GLDN: variants seen among roughly 807,000 people sequenced by gnomAD.
The protein encoded by GLDN is collomin.
Under a neutral mutation model 56.5 loss-of-function variants are expected in GLDN, and 47 were observed. The ratio of observed to expected loss-of-function variants is 0.83; its 90% CI spans 0.66 to 1.06. The LOEUF (loss-of-function observed/expected upper bound fraction) is 1.06, where lower values mean the gene tolerates loss of function less well. Among genes scored for constraint, GLDN ranks in the 50% least tolerant of loss-of-function variants. The probability of loss-of-function intolerance (pLI) is 0.00; values close to 1 mark genes in which losing one functional copy is unlikely to be tolerated. For missense variants in GLDN, 782 were observed against 714.3 expected, an observed-to-expected ratio of 1.09 and a Z score of -1.08; for synonymous variants, 332 against 278.8, an observed-to-expected ratio of 1.19 and a Z score of -1.90.
At chr15:51,409,053 A>G (rs899588266), downstream of GLDN, among the ~76,000 whole-genome samples, 71 of 129,508 alleles carry the variant, frequency 5.5e-4, no homozygotes, top group Non-Finnish European at 9.9e-4. Context: ...GGCCATAAGA[A>G]CAACAGGGGC....
chr15:51,384,201 T>A, intron 4 of GLDN: 3 of 373,360 alleles, frequency 8.0e-6, no homozygotes, highest in Non-Finnish European at 1.5e-5. Flanking sequence ...CTGTGGGCCG[T>A]GTGACAGCTG....
At chr15:51,383,652 A>C (rs1229490612) in intron 3 of GLDN, 133 bp from the exon 4 acceptor site, 3 of 943,492 alleles carry the variant, frequency 3.2e-6, no homozygotes, top group Middle Eastern at 3.3e-4. Flanking sequence ...GAAGGAAGGA[A>C]AGAAGTGGGA....
At chr15:51,360,697 G>A (rs770486355) in intron 1 of GLDN, among the ~76,000 whole-genome samples, 2 of 152,208 alleles carry the variant, frequency 1.3e-5, no homozygotes, top group Non-Finnish European at 2.9e-5. Flanking sequence ...CACCCCCTAA[G>A]TTGTGACTGG....
In GLDN at chr15:51,397,609, C is replaced by G. The variant is rs2038163447; in HGVS notation, c.817+11C>G. 1 of 1,573,642 alleles carries G rather than the reference C, an allele frequency of 6.4e-7. No homozygotes were observed. The highest frequency in any genetic ancestry group is 8.6e-7 in the Non-Finnish European group (1 of 1,157,878). ...ACGGCCAGTGCCCAGGTCACCACCTCTCCCCTACGGGGCCCACCTCTTCTG... is the reference window on the plus strand; with the variant it reads ...ACGGCCAGTGCCCAGGTCACCACCTGTCCCCTACGGGGCCCACCTCTTCTG... On this transcript the variant is annotated intron_variant, in intron 6 of 9. Transcript: ENST00000335449.
chr15:51,358,550 A>T (rs2037230588), intron 1 of GLDN, among the ~76,000 whole-genome samples: 1 of 152,196 alleles, frequency 6.6e-6, no homozygotes, highest in Non-Finnish European at 1.5e-5. Context: ...CTATGTCGGT[A>T]AGCACAATTA....
chr15:51,412,865 A>G (rs1170180228), downstream of GLDN, among the ~76,000 whole-genome samples: 1 of 152,160 alleles, frequency 6.6e-6, no homozygotes, highest in Non-Finnish European at 1.5e-5. Flanking sequence ...AAAGTGATAT[A>G]GTTGCAACAG....
rs1373909408 is a variant in GLDN at position 51,400,451 on chromosome 15, C to G, written c.980C>G (p.Ser327Cys). 4 of 1,613,782 alleles carry G rather than the reference C, an allele frequency of 2.5e-6. No individual in the cohort carries two copies. The highest frequency in any genetic ancestry group is 3.4e-6 in the Non-Finnish European group (4 of 1,179,790). Residue 327 changes from serine to cysteine, a missense_variant, in exon 8 of 10, where the codon TCT becomes TGT. Coordinates refer to ENST00000335449, the MANE Select transcript of GLDN (RefSeq NM_181789.4). ...TETFGTWIRE[S>C]ANKSDDRIWV... ...ACATTTGGGACTTGGATAAGAGAGT[C>G]TGCTAACAAGAGTGATGACCGGATT...
At chr15:51,364,610 A>G (rs1406885987) in intron 1 of GLDN, among the ~76,000 whole-genome samples, 1 of 152,118 alleles carries the variant, frequency 6.6e-6, no homozygotes, top group African/African-American at 2.4e-5. Context: ...TGGTTTTTAT[A>G]TCATTTATAT....
rs1292600313 is a variant in GLDN at position 51,407,942 on chromosome 15, T to C, written c.*3188T>C. 1 of 152,226 alleles carries C rather than the reference T, an allele frequency of 6.6e-6. No homozygotes were observed. Among genetic ancestry groups the C allele is most frequent in the Non-Finnish European group, 1.5e-5 (1 of 68,042 alleles). The allele number at this position is 152,226 out of a possible 1,614,324, so 9.4% of individuals were successfully genotyped here. A position where few individuals can be genotyped will look rare whatever the true frequency, so the allele number is the denominator to read the frequency against. The stretch of plus-strand genomic sequence containing the variant: ...ATCCTGAACAACAAATGAATAACGA[T>C]GAATGTCTTTTTGGTTGTAATTTAA... On this transcript the variant is annotated 3_prime_UTR_variant, in exon 10 of 10. Coordinates refer to ENST00000335449, the MANE Select transcript of GLDN (RefSeq NM_181789.4).
intron 1 of GLDN, among the ~76,000 whole-genome samples, chr15:51,361,508 C>T (rs2141064661): frequency 6.6e-6 from 1 of 152,248 alleles, no homozygotes. Flanking sequence ...ATTCGTGCTA[C>T]TCACCAAATA....
At chr15:51,373,385 C>A (rs11070847) in intron 1 of GLDN, among the ~76,000 whole-genome samples, 13 of 152,124 alleles carry the variant, frequency 8.5e-5, no homozygotes, top group Non-Finnish European at 1.0e-4. Flanking sequence ...ATTTTCAATC[C>A]ATGTTTGGTT....
intron 2 of GLDN, among the ~76,000 whole-genome samples, chr15:51,381,187 C>T (rs1329080599): frequency 1.3e-5 from 2 of 152,170 alleles, no homozygotes; most frequent in Admixed American, 6.5e-5. Flanking sequence ...CAGCTTCAGC[C>T]GGGAGCTCTC....
intron 1 of GLDN, among the ~76,000 whole-genome samples, chr15:51,350,802 G>A (rs112702804): frequency 7.4e-4 from 113 of 152,250 alleles, no homozygotes; most frequent in South Asian, 3.9e-3. Context: ...AGAAACAGGC[G>A]GGTCAAGGCT....
At position 51,349,690 on chromosome 15, in the gene GLDN, C is replaced by T. The variant is rs928575957; in HGVS notation, c.363+7643C>T. Among the ~76,000 whole-genome samples, 5 of 151,844 alleles carry T rather than the reference C, an allele frequency of 3.3e-5. No homozygotes were observed. In the East Asian group the frequency reaches 9.6e-4, roughly 29 times the overall value. On this transcript the variant is annotated intron_variant, in intron 1 of 9. Transcript: ENST00000335449. ...TTTTGTCTCGTTCTTCTCAGAAAAA[C>T]TTTGCCAGACCTCCACTTACATCGT...
intron 4 of GLDN, among the ~76,000 whole-genome samples, chr15:51,390,882 T>C (rs1243224250): frequency 1.3e-5 from 2 of 152,154 alleles, no homozygotes; most frequent in Admixed American, 6.5e-5. Flanking sequence ...GGGGTCCAGA[T>C]CACATAGTGT....
chr15:51,366,519 T>C (rs1261724312), intron 1 of GLDN, among the ~76,000 whole-genome samples: 3 of 152,250 alleles, frequency 2.0e-5, no homozygotes, highest in Admixed American at 6.5e-5. Flanking sequence ...TTACACCTGG[T>C]TGTTTCTATA....
At chr15:51,383,307 G>A (rs2037807361) in intron 2 of GLDN, 129 bp from the exon 3 acceptor site, 2 of 994,640 alleles carry the variant, frequency 2.0e-6, no homozygotes, top group Admixed American at 4.1e-5. Context: ...AATATAACGA[G>A]TTCTAAATAC....
intron 4 of GLDN, among the ~76,000 whole-genome samples, chr15:51,387,501 G>A (rs997248314): frequency 6.6e-6 from 1 of 152,164 alleles, no homozygotes; most frequent in African/African-American, 2.4e-5. Context: ...ACAGCCAGGC[G>A]AGGTTGGAGG....
At chr15:51,375,601 A>G (rs2037613445) in intron 1 of GLDN, among the ~76,000 whole-genome samples, 1 of 152,208 alleles carries the variant, frequency 6.6e-6, no homozygotes, top group South Asian at 2.1e-4. Context: ...TGAGGCAGCC[A>G]GATGTTTTCC....
Sources: allele counts gnomAD v4.1 joint callset (sites outside exome capture counted in the v4.1 genomes callset), GRCh38; gene constraint gnomAD v4.1.1; transcripts MANE v1.5; gene names NCBI Gene and HGNC (gene_info 2026-07-23, HGNC 2026-07-21).